Variants in RICTOR observed in about 807,000 individuals in gnomAD.
The protein encoded by RICTOR is rapamycin-insensitive companion of mTOR.
In RICTOR, 49 loss-of-function variants were observed where a neutral mutation model predicts 214.9. The ratio of observed to expected loss-of-function variants is 0.23; its 90% CI spans 0.18 to 0.29. The LOEUF (loss-of-function observed/expected upper bound fraction) is 0.29. Among genes scored for constraint, RICTOR ranks in the 10% least tolerant of loss-of-function variants. RICTOR has a pLI of 1.00. For synonymous variants in RICTOR, 717 were observed against 711.3 expected (o/e 1.01, Z -0.13); for missense variants, 1,625 against 2,047.0 (o/e 0.79, Z 3.98).
At chr5:39,049,273 C>T (rs1419143384) in intron 2 of RICTOR, among the ~76,000 whole-genome samples, 1 of 151,156 alleles carries the variant, frequency 6.6e-6, no homozygotes, top group Non-Finnish European at 1.5e-5. Flanking sequence ...GCAAAATAAG[C>T]CATTATAAAC....
intron 6 of RICTOR, among the ~76,000 whole-genome samples, chr5:38,993,041 A>G (rs992169146): frequency 6.6e-6 from 1 of 152,192 alleles, no homozygotes; most frequent in African/African-American, 2.4e-5. Context: ...TTGTGGTAGT[A>G]GTGGTGGGTA....
At chr5:39,014,390 T>C (rs540411108) in intron 3 of RICTOR, among the ~76,000 whole-genome samples, 7 of 151,866 alleles carry the variant, frequency 4.6e-5, no homozygotes, top group Non-Finnish European at 1.0e-4. Flanking sequence ...CTCTGGAGAG[T>C]GGTATTTCTG....
chr5:39,047,309 A>G (rs1477635584), intron 2 of RICTOR, among the ~76,000 whole-genome samples: 1 of 152,172 alleles, frequency 6.6e-6, no homozygotes, highest in Admixed American at 6.5e-5. Context: ...TTAGATTCTC[A>G]TAAGGAGGGC....
At chr5:39,018,350 T>C (rs1252103841) in intron 3 of RICTOR, among the ~76,000 whole-genome samples, 1 of 152,118 alleles carries the variant, frequency 6.6e-6, no homozygotes, top group Admixed American at 6.6e-5. Context: ...ATTTATGAAA[T>C]ATGGCACACA....
Position 38,950,627 on chromosome 5 carries a change from T to C in RICTOR, c.3221A>G (p.Asp1074Gly), listed in dbSNP as rs142010480. The change falls in exon 31 of 38, where the codon GAC becomes GGC. Residue 1074 changes from aspartate to glycine, a missense_variant. Transcript: ENST00000357387. Reference protein sequence around the residue: ...INEDTEPTFYDRSGPIKDKNS... With the variant: ...INEDTEPTFYGRSGPIKDKNS... The stretch of plus-strand genomic sequence containing the variant: ...TTTATCCTTTATGGGTCCAGATCGG[T>C]CATAAAATGTTGGCTCTGTATCTTC... The C allele has an allele frequency of 2.1e-3, 3,459 of 1,612,824 alleles. 8 individuals are homozygous for C. Among genetic ancestry groups the C allele is most frequent in the Non-Finnish European group, 2.3e-3 (2,692 of 1,179,200 alleles).
intron 3 of RICTOR, among the ~76,000 whole-genome samples, chr5:39,015,163 A>C (rs1754849730): frequency 6.6e-6 from 1 of 152,204 alleles, no homozygotes; most frequent in Non-Finnish European, 1.5e-5. Context: ...ATGGAAACAC[A>C]GAAGAGGGTA....
intron 2 of RICTOR, among the ~76,000 whole-genome samples, chr5:39,028,975 GA>G (rs2150147908): frequency 1.3e-5 from 2 of 152,174 alleles, no homozygotes; most frequent in African/African-American, 4.8e-5. Context: ...AAAATGTTAA[GA>G]AAAAGAAGCC....
intron 3 of RICTOR, among the ~76,000 whole-genome samples, chr5:39,009,045 T>G (rs1324297510): frequency 1.3e-5 from 2 of 152,104 alleles, no homozygotes; most frequent in African/African-American, 4.8e-5. Flanking sequence ...ACTCAACTGC[T>G]TAAAAAGGGA....
chr5:39,072,978 G>A (rs1003747189), intron 2 of RICTOR, among the ~76,000 whole-genome samples: 4 of 152,194 alleles, frequency 2.6e-5, no homozygotes, highest in Non-Finnish European at 5.9e-5. Context: ...ATCGTGATAA[G>A]CAAAATAAAA....
intron 27 of RICTOR, 83 bp from the exon 28 acceptor site, chr5:38,953,636 A>T (rs1003057675): frequency 2.4e-5 from 11 of 449,238 alleles, no homozygotes; most frequent in African/African-American, 6.2e-5. Context: ...AACCAGTATA[A>T]CGTTTGTTTT....
chr5:39,046,720 A>G (rs1045234070), intron 2 of RICTOR, among the ~76,000 whole-genome samples: 1 of 152,066 alleles, frequency 6.6e-6, no homozygotes, highest in Non-Finnish European at 1.5e-5. Context: ...ACTGTTCCTT[A>G]TGACTTGGTT....
At chr5:39,003,760 A>G in intron 3 of RICTOR, 138 bp from the exon 4 acceptor site, 1 of 499,084 alleles carries the variant, frequency 2.0e-6, no homozygotes, top group Admixed American at 3.8e-5. Flanking sequence ...TGTTCAAATC[A>G]GCAGCTTTAT....
chr5:38,954,109 T>C (rs562165923), intron 27 of RICTOR, among the ~76,000 whole-genome samples: 1 of 151,344 alleles, frequency 6.6e-6, no homozygotes, highest in South Asian at 2.1e-4. Flanking sequence ...CAAAACTTTG[T>C]GCTCTTGAGA....
At chr5:39,056,073 A>G (rs1376011477) in intron 2 of RICTOR, among the ~76,000 whole-genome samples, 2 of 152,206 alleles carry the variant, frequency 1.3e-5, no homozygotes, top group East Asian at 3.8e-4. Context: ...AGTTTGAAAC[A>G]TATTAGGTTT....
chr5:38,998,741 G>A (rs1397733823), intron 5 of RICTOR, among the ~76,000 whole-genome samples: 1 of 152,042 alleles, frequency 6.6e-6, no homozygotes. Context: ...TAAGCCAGGT[G>A]CGGTGGCTCA....
At chr5:38,963,190 T>C (rs994985897) in intron 16 of RICTOR, 149 bp from the exon 17 acceptor site, 36 of 554,158 alleles carry the variant, frequency 6.5e-5, no homozygotes, top group Non-Finnish European at 8.9e-5. Flanking sequence ...GAGAGACAAA[T>C]ACAAAAAATA....
At chr5:39,035,553 C>A (rs994669923) in intron 2 of RICTOR, among the ~76,000 whole-genome samples, 7 of 151,940 alleles carry the variant, frequency 4.6e-5, no homozygotes, top group Non-Finnish European at 7.4e-5. Context: ...GAACCAATGG[C>A]AAAGAAGTTA....
intron 2 of RICTOR, among the ~76,000 whole-genome samples, chr5:39,035,629 G>A (rs183998307): frequency 6.6e-6 from 1 of 152,188 alleles, no homozygotes; most frequent in Admixed American, 6.5e-5. Context: ...GTCCTTAAAG[G>A]ACCCGATGGA....
chr5:39,023,470 G>A (rs1202316386), intron 2 of RICTOR, among the ~76,000 whole-genome samples: 1 of 152,182 alleles, frequency 6.6e-6, no homozygotes, highest in Non-Finnish European at 1.5e-5. Context: ...CAAGCCATGG[G>A]CCAGATATGG....
Sources: allele counts gnomAD v4.1 joint callset (sites outside exome capture counted in the v4.1 genomes callset), GRCh38; gene constraint gnomAD v4.1.1; transcripts MANE v1.5; gene names NCBI Gene and HGNC (gene_info 2026-07-23, HGNC 2026-07-21).